Variants in DNAH14 observed in about 807,000 individuals in gnomAD.
DNAH14 encodes the protein axonemal beta dynein heavy chain 14.
In DNAH14, 478 loss-of-function variants were observed where a neutral mutation model predicts 520.9. The observed-to-expected ratio is 0.92, with a 90% confidence interval of 0.85 to 0.99. The LOEUF (loss-of-function observed/expected upper bound fraction) is 0.99. Among genes scored for constraint, DNAH14 ranks in the 50% least tolerant of loss-of-function variants. The pLI, the probability that DNAH14 is intolerant of heterozygous loss-of-function variation, is 0.00. For synonymous variants in DNAH14, 1,581 were observed against 1,757.2 expected (o/e 0.90, Z 2.51); for missense variants, 4,831 against 5,234.5 (o/e 0.92, Z 2.38).
intron 49 of DNAH14, among the ~76,000 whole-genome samples, chr1:225,268,339 A>C (rs1248137254): frequency 6.6e-6 from 1 of 152,152 alleles, no homozygotes; most frequent in Non-Finnish European, 1.5e-5. Flanking sequence ...CAAAATAATA[A>C]GAGCTATTTA....
intron 1 of DNAH14, among the ~76,000 whole-genome samples, chr1:224,938,989 G>C (rs748621180): frequency 1.3e-5 from 2 of 152,064 alleles, no homozygotes; most frequent in Admixed American, 1.3e-4. Context: ...AGTGGCTCTC[G>C]TGCAAATAGA....
intron 54 of DNAH14, among the ~76,000 whole-genome samples, chr1:225,286,450 G>GA (rs1356984042): frequency 6.6e-6 from 1 of 151,786 alleles, no homozygotes; most frequent in Non-Finnish European, 1.5e-5. Context: ...AAAATAAAAG[G>GA]AAAAAATAAA....
intron 38 of DNAH14, among the ~76,000 whole-genome samples, chr1:225,203,284 T>C (rs1358490718): frequency 2.0e-5 from 3 of 152,212 alleles, no homozygotes; most frequent in Non-Finnish European, 2.9e-5. Context: ...TAGAGCATAA[T>C]GATGTATATC....
rs146148606 is a variant in DNAH14 at position 225,096,420 on chromosome 1, G to A, written c.3574-698G>A. Among the ~76,000 whole-genome samples the A allele has an allele frequency of 1.6e-4, 25 of 152,258 alleles. No individual in the cohort carries two copies. The East Asian group carries it at 4.1e-3, about 25-fold the overall frequency. ...AGTCAAATATAAATGAGTTATAAAT[G>A]GTTCCCCATGAGGAACCAGAGAGTT... On this transcript the variant is annotated intron_variant, in intron 21 of 85. Transcript: ENST00000682510.
At chr1:224,942,281 G>A (rs1411130794) in intron 1 of DNAH14, among the ~76,000 whole-genome samples, 1 of 152,146 alleles carries the variant, frequency 6.6e-6, no homozygotes, top group East Asian at 1.9e-4. Context: ...TTGTGAATGG[G>A]AGTTCACTCA....
At chr1:224,981,983 A>C (rs896127791) in intron 8 of DNAH14, among the ~76,000 whole-genome samples, 4 of 152,180 alleles carry the variant, frequency 2.6e-5, no homozygotes, top group Admixed American at 2.6e-4. Flanking sequence ...ACCTTAGAGC[A>C]TTAGGTCATA....
At chr1:225,188,730 A>G (rs996300836) in intron 37 of DNAH14, among the ~76,000 whole-genome samples, 3 of 151,956 alleles carry the variant, frequency 2.0e-5, no homozygotes, top group Non-Finnish European at 2.9e-5. Flanking sequence ...AGAAAAGGCC[A>G]TTGGAATTTT....
intron 53 of DNAH14, among the ~76,000 whole-genome samples, 169 bp from the exon 54 acceptor site, chr1:225,277,241 T>C (rs1186368851): frequency 2.0e-5 from 3 of 152,020 alleles, no homozygotes; most frequent in Non-Finnish European, 4.4e-5. Context: ...ACAATCCTTA[T>C]TGCACAAATT....
chr1:225,276,983 AAGGGAGGGAGGAAGGAAGGGAGGGAGGG>A (rs2093488897), intron 53 of DNAH14, among the ~76,000 whole-genome samples: 2 of 35,572 alleles, frequency 5.6e-5, no homozygotes, highest in African/African-American at 3.1e-4. Context: ...GGAAGGAAGG[AAGGGAGGGAGGAAGGAAGGGAGGGAGGG>A]AGGGAGGGAG....
At chr1:224,972,151 C>T (rs2061534120) in intron 7 of DNAH14, among the ~76,000 whole-genome samples, 1 of 150,472 alleles carries the variant, frequency 6.6e-6, no homozygotes, top group Non-Finnish European at 1.5e-5. Flanking sequence ...TGACATTTGG[C>T]ATCAATGTCT....
chr1:225,217,486 C>CCTTTTTT (rs2089523575), intron 41 of DNAH14, among the ~76,000 whole-genome samples: 1 of 152,134 alleles, frequency 6.6e-6, no homozygotes, highest in Non-Finnish European at 1.5e-5. Flanking sequence ...TTCAGCTATG[C>CCTTTTTT]CCTGCCCCCA....
In DNAH14 at chr1:225,206,130, T is replaced by A; in HGVS notation, c.6137T>A (p.Leu2046His). ...AGAGTGATTTTTGAAGTGGACAATC[T>A]CTCTCAGGCCAGTCCTGCTACTGTC... ...KIRVIFEVDN[L>H]SQASPATVSR... The change falls in exon 40 of 86, where the codon CTC (leucine) becomes CAC (histidine). Residue 2046 changes from leucine (L) to histidine (H), a missense_variant. Leu to His is a moderately conservative substitution (Grantham distance 99). Coordinates refer to ENST00000682510, the MANE Select transcript of DNAH14 (RefSeq NM_001367479.1). The A allele has an allele frequency of 6.4e-7, 1 of 1,551,434 alleles. No individual in the cohort carries two copies. Among genetic ancestry groups the A allele is most frequent in the Non-Finnish European group, 8.7e-7 (1 of 1,146,816 alleles).
At chr1:225,001,440 G>A (rs969981170) in intron 8 of DNAH14, among the ~76,000 whole-genome samples, 8 of 152,204 alleles carry the variant, frequency 5.3e-5, no homozygotes, top group African/African-American at 1.9e-4. Flanking sequence ...TGTGGAGAAT[G>A]TATTTTGTTT....
intron 20 of DNAH14, 120 bp downstream of exon 20, chr1:225,082,859 A>G (rs1001716708): frequency 1.3e-6 from 1 of 747,758 alleles, no homozygotes; most frequent in African/African-American, 1.8e-5. Context: ...AGTGCCTGGG[A>G]AAATAATAGT....
chr1:225,365,919 T>A (rs922535883), intron 76 of DNAH14, among the ~76,000 whole-genome samples: 2 of 152,178 alleles, frequency 1.3e-5, no homozygotes, highest in Admixed American at 6.5e-5. Flanking sequence ...TGGCTATAAT[T>A]AGTGCATACA....
intron 20 of DNAH14, among the ~76,000 whole-genome samples, chr1:225,084,786 T>C (rs1040236340): frequency 6.2e-5 from 1 of 16,180 alleles, no homozygotes; most frequent in Non-Finnish European, 8.5e-4. Flanking sequence ...CCATAAAGAC[T>C]TGACAAGGCT....
intron 43 of DNAH14, among the ~76,000 whole-genome samples, chr1:225,243,585 T>A (rs1436557494): frequency 6.6e-6 from 1 of 152,094 alleles, no homozygotes; most frequent in Admixed American, 6.6e-5. Context: ...GGCATCCATT[T>A]TTAATAAATG....
Position 224,965,473 on chromosome 1 carries a change from A to G in DNAH14, c.498+864A>G, listed in dbSNP as rs552674543. 5.3e-5 allele frequency among the ~76,000 whole-genome samples: 8 copies of G among 152,110 alleles called. No individual in the cohort carries two copies. The South Asian group carries it at 1.7e-3, about 32-fold the overall frequency. On this transcript the variant is annotated intron_variant, in intron 5 of 85. Transcript: ENST00000682510. Reference sequence around the variant, plus strand: ...GGTAATAAATATTTTAGATTTTGAAACTACTCAACTCTGTCACTGTAGTAC... The same window carrying G: ...GGTAATAAATATTTTAGATTTTGAAGCTACTCAACTCTGTCACTGTAGTAC...
At chr1:225,151,941 T>C (rs2080540356) in intron 31 of DNAH14, 64 bp from the exon 32 acceptor site, 2 of 1,328,880 alleles carry the variant, frequency 1.5e-6, no homozygotes, top group Admixed American at 2.0e-5. Flanking sequence ...AACTCACTTA[T>C]AGTTTTAACA....
Sources: gnomAD v4.1 joint callset for allele counts (sites outside exome capture counted in the v4.1 genomes callset) on GRCh38, gnomAD v4.1.1 for gene constraint, MANE v1.5 for transcripts, NCBI Gene and HGNC (gene_info 2026-07-23, HGNC 2026-07-21) for gene names.